Variants in STK26 observed in about 807,000 individuals in gnomAD.
STK26 encodes the protein serine/threonine-protein kinase 26.
A neutral mutation model predicts 34.7 loss-of-function variants in STK26; 14 were observed. The ratio of observed to expected loss-of-function variants is 0.40; its 90% confidence interval spans 0.27 to 0.63. STK26 has a LOEUF of 0.63. Ranked by LOEUF, STK26 falls within the 30% of genes least tolerant of loss-of-function variation. The pLI is 0.38. For missense variants in STK26, 226 were observed against 309.1 expected (o/e 0.73, Z 2.02); for synonymous variants, 100 against 109.8 (o/e 0.91, Z 0.56).
chrX:132,063,331 T>A, intron 3 of STK26, 102 bp from the exon 4 acceptor site: 1 of 722,305 alleles, frequency 1.4e-6, no homozygotes, highest in South Asian at 2.9e-5. Flanking sequence ...AATGAGAACA[T>A]GCAAATAGAA....
chrX:132,051,488 C>G (rs55653024), intron 2 of STK26, among the ~76,000 whole-genome samples: 2 of 111,407 alleles, frequency 1.8e-5, no homozygotes, highest in African/African-American at 6.5e-5. Flanking sequence ...TTTGACACTA[C>G]AGAACATAGA....
intron 9 of STK26, 125 bp from the exon 10 acceptor site, chrX:132,072,688 C>A: frequency 1.4e-6 from 1 of 698,145 alleles, no homozygotes; most frequent in Non-Finnish European, 2.2e-6. Flanking sequence ...AGCTTAGAGA[C>A]TTGCCTTGCA....
At chrX:132,072,909 G>A in intron 10 of STK26, 34 bp downstream of exon 10, 4 of 1,205,379 alleles carry the variant, frequency 3.3e-6, no homozygotes, top group Non-Finnish European at 4.5e-6. Flanking sequence ...GGATATCTGT[G>A]TTAAGTAGTA....
At chrX:132,045,993 G>T (rs1400497126) in intron 2 of STK26, among the ~76,000 whole-genome samples, 1 of 111,693 alleles carries the variant, frequency 9.0e-6, no homozygotes, top group African/African-American at 3.3e-5. Context: ...TTATGACTTT[G>T]GTTCTTGCTT....
In STK26 at chrX:132,075,794, T is replaced by C. The variant is rs896895449; in HGVS notation, c.*1635T>C. 8.9e-6 allele frequency: 1 copy of C among 112,043 alleles called. No homozygotes were observed. Among genetic ancestry groups the C allele is most frequent in the Non-Finnish European group, 1.9e-5 (1 of 53,042 alleles). 9.2% of individuals were successfully genotyped at this position (112,043 alleles called of 1,213,427 possible). ...AAGTAAAAGCAACAAATTTATAAAT[T>C]GATTATTTGAAACTTTACAACACAA... On this transcript the variant is annotated 3_prime_UTR_variant, in exon 12 of 12. Transcript: ENST00000394334.
chrX:132,047,492 G>C, intron 2 of STK26, among the ~76,000 whole-genome samples: 1 of 110,961 alleles, frequency 9.0e-6, no homozygotes, highest in Admixed American at 9.7e-5. Context: ...TAGTATTAAG[G>C]GTTACTGAAG....
At chrX:132,048,267 T>A (rs1404905604) in intron 2 of STK26, among the ~76,000 whole-genome samples, 2 of 111,965 alleles carry the variant, frequency 1.8e-5, no homozygotes, top group African/African-American at 6.5e-5. Flanking sequence ...ATAAAAATTA[T>A]ATCAGTTTAA....
intron 2 of STK26, among the ~76,000 whole-genome samples, chrX:132,036,977 T>G (rs965689419): frequency 2.7e-5 from 3 of 112,218 alleles, no homozygotes; most frequent in African/African-American, 9.7e-5. Flanking sequence ...GGATGGTCAC[T>G]ATGTTCAAGG....
At position 132,042,845 on chromosome X, in the gene STK26, C is replaced by G. The variant is rs1179689300; in HGVS notation, c.43-11786C>G. ...TTTGATCATAAAATGTTAAAGCCAG[C>G]AGGACCCAAGAGATAATTTTCCCTA... On this transcript the variant is annotated intron_variant, in intron 2 of 11. Coordinates refer to ENST00000394334, the MANE Select transcript of STK26 (RefSeq NM_016542.4). Among the ~76,000 whole-genome samples the G allele has an allele frequency of 2.7e-5, 3 of 111,599 alleles. No individual in the cohort carries two copies. In the East Asian group the frequency reaches 8.4e-4, roughly 31 times the overall value.
At chrX:132,063,521 C>A in intron 4 of STK26, 32 bp downstream of exon 4, 2 of 1,158,129 alleles carry the variant, frequency 1.7e-6, no homozygotes, top group Non-Finnish European at 2.3e-6. Context: ...CACACAGATG[C>A]AAATGTGTGC....
intron 4 of STK26, 143 bp from the exon 5 acceptor site, chrX:132,068,071 CT>C: frequency 2.5e-6 from 1 of 401,337 alleles, no homozygotes; most frequent in Admixed American, 5.1e-5. Context: ...TACATTTTTC[CT>C]TCCTTGTTTA....
intron 2 of STK26, among the ~76,000 whole-genome samples, chrX:132,025,282 C>G (rs928824299): frequency 8.9e-5 from 10 of 111,867 alleles, no homozygotes; most frequent in African/African-American, 2.9e-4. Flanking sequence ...ATTGTGTGCG[C>G]GAGCCTGCGT....
chrX:132,023,890 A>G (rs1218510914), intron 2 of STK26, among the ~76,000 whole-genome samples: 1 of 111,755 alleles, frequency 8.9e-6, no homozygotes, highest in Non-Finnish European at 1.9e-5. Context: ...AACTAGGTGG[A>G]GATTGAGGGC....
intron 2 of STK26, among the ~76,000 whole-genome samples, chrX:132,026,253 A>C (rs767809773): frequency 4.4e-5 from 5 of 112,374 alleles, no homozygotes; most frequent in Non-Finnish European, 3.8e-5. Context: ...AATAGAAAAG[A>C]AACTTGGAGT....
intron 2 of STK26, among the ~76,000 whole-genome samples, chrX:132,030,945 A>T (rs1238210175): frequency 9.2e-6 from 1 of 109,103 alleles, no homozygotes; most frequent in Non-Finnish European, 1.9e-5. Flanking sequence ...ACAGAGTAAT[A>T]TTTTTTTTTG....
chrX:132,029,346 G>GC (rs920942059), intron 2 of STK26, among the ~76,000 whole-genome samples: 1 of 111,935 alleles, frequency 8.9e-6, no homozygotes, highest in Non-Finnish European at 1.9e-5. Flanking sequence ...AATAAAAGCT[G>GC]CATTTCCTTT....
chrX:132,071,387 G>A (rs940971873), intron 8 of STK26, among the ~76,000 whole-genome samples, 170 bp downstream of exon 8: 9 of 112,322 alleles, frequency 8.0e-5, no homozygotes, highest in Admixed American at 2.8e-4. Context: ...ATACAATGGA[G>A]TTGGAAACAT....
intron 4 of STK26, among the ~76,000 whole-genome samples, chrX:132,064,949 A>G (rs1389260783): frequency 8.9e-6 from 1 of 111,987 alleles, no homozygotes; most frequent in Non-Finnish European, 1.9e-5. Context: ...AGAAATGACT[A>G]TAAGAGATTT....
chrX:132,046,501 A>T (rs1171052845), intron 2 of STK26, among the ~76,000 whole-genome samples: 2 of 112,210 alleles, frequency 1.8e-5, no homozygotes, highest in Non-Finnish European at 1.9e-5. Context: ...AGATGCATTT[A>T]AAAATAAGAA....
Sources: allele counts gnomAD v4.1 joint callset (sites outside exome capture counted in the v4.1 genomes callset), GRCh38; gene constraint gnomAD v4.1.1; transcripts MANE v1.5; gene names NCBI Gene and HGNC (gene_info 2026-07-23, HGNC 2026-07-21).